Variants in NOMO2 observed in about 807,000 individuals in gnomAD.
NOMO2 encodes the protein NODAL modulator 2.
Under a neutral mutation model 67.1 loss-of-function variants are expected in NOMO2, and 14 were observed. The observed-to-expected ratio is 0.21, with a 90% CI of 0.14 to 0.33. NOMO2 has a LOEUF of 0.33. Among genes scored for constraint, NOMO2 ranks in the 10% least tolerant of loss-of-function variants. The pLI is 1.00. For synonymous variants in NOMO2, 80 were observed against 305.9 expected, an observed-to-expected ratio of 0.26 and a Z score of 7.71; for missense variants, 178 against 761.0, an observed-to-expected ratio of 0.23 and a Z score of 9.01.
At chr16:18,544,815 A>G (rs1409249887) in intron 6 of NOMO2, among the ~76,000 whole-genome samples, 1 of 151,690 alleles carries the variant, frequency 6.6e-6, no homozygotes, top group East Asian at 1.9e-4. Context: ...ACACAGAGAA[A>G]AGTGTACAGA....
At chr16:18,554,520 A>G (rs1291173925) in intron 3 of NOMO2, among the ~76,000 whole-genome samples, 3 of 151,522 alleles carry the variant, frequency 2.0e-5, no homozygotes, top group African/African-American at 7.3e-5. Context: ...TGATTTCTAT[A>G]CTGTTCCACG....
chr16:18,538,634 G>C lies in NOMO2; in HGVS notation c.1112C>G (p.Thr371Ser). The C allele has an allele frequency of 1.9e-6, 3 of 1,612,834 alleles. No homozygotes were observed. In the South Asian group the frequency reaches 3.3e-5, roughly 18 times the overall value. The change falls in exon 11 of 31, where the codon ACC becomes AGC. Residue 371 changes from threonine to serine, a missense_variant. Physicochemically the swap from Thr to Ser is moderately conservative, Grantham distance 58. Transcript: ENST00000622306. Reference protein sequence around the residue: ...ADGSFRLENITTGTYTIHAQK... With the variant: ...ADGSFRLENISTGTYTIHAQK... The stretch of plus-strand genomic sequence containing the variant: ...AGCATGGATGGTGTATGTCCCTGTG[G>C]TTATGTTCTCAAGGCGGAATGAGCC...
chr16:18,557,283 T>C (rs915221117), intron 2 of NOMO2, among the ~76,000 whole-genome samples: 2 of 151,770 alleles, frequency 1.3e-5, no homozygotes, highest in African/African-American at 4.8e-5. Context: ...TGAATTCATG[T>C]ATTACTTGTA....
At chr16:18,560,364 G>A (rs59167722) in intron 1 of NOMO2, among the ~76,000 whole-genome samples, 1 of 151,086 alleles carries the variant, frequency 6.6e-6, no homozygotes, top group Non-Finnish European at 1.5e-5. Context: ...GAGGGTGGAG[G>A]GGGGTGCCTG....
intron 2 of NOMO2, among the ~76,000 whole-genome samples, chr16:18,557,021 G>A (rs1458070810): frequency 6.6e-6 from 1 of 151,962 alleles, no homozygotes; most frequent in Non-Finnish European, 1.5e-5. Flanking sequence ...CAGCTATTCG[G>A]GAGGCCTAGG....
intron 3 of NOMO2, among the ~76,000 whole-genome samples, 198 bp downstream of exon 3, chr16:18,554,607 CAG>C: frequency 7.1e-6 from 1 of 141,286 alleles, no homozygotes; most frequent in Non-Finnish European, 1.5e-5. Flanking sequence ...TCAAAGGTGA[CAG>C]AAAGTCTTAA....
At chr16:18,540,366 G>A (rs572394090) in intron 9 of NOMO2, among the ~76,000 whole-genome samples, 3 of 151,766 alleles carry the variant, frequency 2.0e-5, no homozygotes, top group East Asian at 3.9e-4. Context: ...TATGTGCCAG[G>A]CACTAAATCA....
chr16:18,556,923 C>T (rs1372350779), intron 2 of NOMO2, among the ~76,000 whole-genome samples: 2 of 151,932 alleles, frequency 1.3e-5, no homozygotes, highest in African/African-American at 4.8e-5. Flanking sequence ...GTCAGGAGTT[C>T]GAGACCAGCC....
intron 1 of NOMO2, 80 bp from the exon 2 acceptor site, chr16:18,557,871 A>G: frequency 6.3e-7 from 1 of 1,590,712 alleles, no homozygotes; most frequent in Non-Finnish European, 8.6e-7. Context: ...GAATGCACTC[A>G]GTCAGTATAC....
In NOMO2 at chr16:18,560,636, C is replaced by G. The variant is rs926071366; in HGVS notation, c.165+1240G>C. ...TTCAGCCTGAAAAAGCAGCAAACAACGGGGCCTTGAAGAAGATCACGGATC... is the reference window on the plus strand; with the variant it reads ...TTCAGCCTGAAAAAGCAGCAAACAAGGGGGCCTTGAAGAAGATCACGGATC... On this transcript the variant is annotated intron_variant, in intron 1 of 30. Coordinates refer to ENST00000622306, the MANE Select transcript of NOMO2 (RefSeq NM_173614.4). Among the ~76,000 whole-genome samples the G allele has an allele frequency of 4.5e-4, 69 of 151,796 alleles. No individual in the cohort carries two copies. The Middle Eastern group carries it at 0.01, about 22-fold the overall frequency.
chr16:18,529,376 G>A lies in NOMO2; in HGVS notation c.1806+125C>T, dbSNP rs746550688. 175 of 1,606,716 alleles carry A rather than the reference G, an allele frequency of 1.1e-4. 1 individual carries two copies. The highest frequency in any genetic ancestry group is 4.2e-4 in the South Asian group (38 of 90,160). Reference sequence around the variant, plus strand: ...ATTATGCGTTGCGTAACAGGTGGGCGAGTGGAGAGGCAGAAAAGGAAATCT... The same window carrying A: ...ATTATGCGTTGCGTAACAGGTGGGCAAGTGGAGAGGCAGAAAAGGAAATCT... On this transcript the variant is annotated intron_variant, in intron 15 of 30. Coordinates refer to ENST00000622306, the MANE Select transcript of NOMO2 (RefSeq NM_173614.4).
chr16:18,529,383 G>A (rs1282469397), intron 15 of NOMO2, 118 bp downstream of exon 15: 1 of 1,608,154 alleles, frequency 6.2e-7, no homozygotes, highest in Non-Finnish European at 8.5e-7. Flanking sequence ...GGCGAGTGGA[G>A]AGGCAGAAAA....
At chr16:18,561,193 A>AAC (rs1567249225) in intron 1 of NOMO2, among the ~76,000 whole-genome samples, 34 of 143,954 alleles carry the variant, frequency 2.4e-4, no homozygotes, top group African/African-American at 8.5e-4. Context: ...AAAAAAAAAA[A>AAC]AAAAAAAAAA....
At chr16:18,550,761 G>C (rs1166447189) in intron 4 of NOMO2, among the ~76,000 whole-genome samples, 3 of 152,078 alleles carry the variant, frequency 2.0e-5, no homozygotes, top group Non-Finnish European at 2.9e-5. Context: ...CTCTCTCTGG[G>C]AGAAGCTGAC....
chr16:18,539,077 C>T, intron 9 of NOMO2, 113 bp from the exon 10 acceptor site: 2 of 688,102 alleles, frequency 2.9e-6, no homozygotes, highest in East Asian at 2.7e-5. Flanking sequence ...TGCCGCCCAC[C>T]TCCCAACACT....
intron 1 of NOMO2, among the ~76,000 whole-genome samples, chr16:18,559,700 C>A (rs1339849061): frequency 6.6e-6 from 1 of 151,814 alleles, no homozygotes; most frequent in South Asian, 2.1e-4. Flanking sequence ...CAGCCTAGAC[C>A]GGTTAGGGAG....
At chr16:18,552,800 T>G (rs1390928489) in intron 3 of NOMO2, among the ~76,000 whole-genome samples, 1 of 151,944 alleles carries the variant, frequency 6.6e-6, no homozygotes, top group Non-Finnish European at 1.5e-5. Flanking sequence ...TGAGCATGTA[T>G]CAGCTCTATG....
chr16:18,535,802 C>CTT (rs1181997480), intron 11 of NOMO2, among the ~76,000 whole-genome samples: 1 of 150,072 alleles, frequency 6.7e-6, no homozygotes, highest in African/African-American at 2.4e-5. Flanking sequence ...ACTGATAACT[C>CTT]TTTTTTTTTT....
chr16:18,530,041 A>G (rs1360946063), intron 14 of NOMO2, among the ~76,000 whole-genome samples: 3 of 119,342 alleles, frequency 2.5e-5, no homozygotes, highest in Non-Finnish European at 5.6e-5. Context: ...TCCTGCACCC[A>G]GAAGGCGGAG....
Sources: gnomAD v4.1 joint callset for allele counts (sites outside exome capture counted in the v4.1 genomes callset) on GRCh38, gnomAD v4.1.1 for gene constraint, MANE v1.5 for transcripts, NCBI Gene and HGNC (gene_info 2026-07-23, HGNC 2026-07-21) for gene names.